PTDSS1: variants seen among roughly 807,000 people sequenced by gnomAD.
The protein encoded by PTDSS1 is PSS-1.
Under a neutral mutation model 70.5 loss-of-function variants are expected in PTDSS1, and 45 were observed. The observed-to-expected ratio is 0.64, with a 90% CI of 0.50 to 0.82. PTDSS1 has a LOEUF of 0.82. Among genes scored for constraint, PTDSS1 ranks in the 40% least tolerant of loss-of-function variants. The pLI is 0.00. For synonymous variants in PTDSS1, 188 were observed against 203.8 expected (o/e 0.92, Z 0.66); for missense variants, 417 against 586.1 (o/e 0.71, Z 2.98).
intron 10 of PTDSS1, among the ~76,000 whole-genome samples, chr8:96,324,216 TAAG>T (rs1811408775): frequency 6.6e-6 from 1 of 152,204 alleles, no homozygotes; most frequent in South Asian, 2.1e-4. Context: ...AAGTAATCTC[TAAG>T]AAGACTGAGG....
intron 6 of PTDSS1, among the ~76,000 whole-genome samples, chr8:96,301,681 T>C (rs1811053007): frequency 6.6e-6 from 1 of 151,666 alleles, no homozygotes; most frequent in Non-Finnish European, 1.5e-5. Context: ...CGGCTAACTT[T>C]TTTTTTTGTA....
At chr8:96,333,416 CAGAGCCCAGGGTGACGGT>C (rs754846680) in intron 12 of PTDSS1, 23 bp from the exon 13 acceptor site, 3 of 1,561,804 alleles carry the variant, frequency 1.9e-6, no homozygotes, top group African/African-American at 1.4e-5. Context: ...CACCAATCTC[CAGAGCCCAGGGTGACGGT>C]GTGCTCTGAT....
intron 9 of PTDSS1, among the ~76,000 whole-genome samples, chr8:96,312,182 G>A (rs1484385608): frequency 6.6e-6 from 1 of 152,220 alleles, no homozygotes; most frequent in Non-Finnish European, 1.5e-5. Flanking sequence ...CCACTATGGC[G>A]GCTCACGCCT....
chr8:96,303,947 TA>T, intron 6 of PTDSS1, 92 bp from the exon 7 acceptor site: 1 of 1,329,796 alleles, frequency 7.5e-7, no homozygotes, highest in Non-Finnish European at 1.0e-6. Context: ...GCATTTATTA[TA>T]AAAATCATCA....
intron 12 of PTDSS1, among the ~76,000 whole-genome samples, chr8:96,332,959 A>T (rs1159345784): frequency 6.6e-6 from 1 of 152,206 alleles, no homozygotes; most frequent in African/African-American, 2.4e-5. Context: ...CCTGAATTGT[A>T]AAGATGTTCT....
At chr8:96,295,281 C>T in intron 5 of PTDSS1, 25 bp downstream of exon 5, 1 of 1,599,304 alleles carries the variant, frequency 6.3e-7, no homozygotes, top group Non-Finnish European at 8.5e-7. Context: ...ATTGGGGGTT[C>T]CCCAGACTGT....
intron 3 of PTDSS1, among the ~76,000 whole-genome samples, chr8:96,285,327 A>G (rs1437273899): frequency 6.6e-6 from 1 of 152,182 alleles, no homozygotes; most frequent in Non-Finnish European, 1.5e-5. Flanking sequence ...GCCCCAGTAT[A>G]GTGCACCCTG....
Position 96,330,288 on chromosome 8 carries a change from A to T in PTDSS1, c.1242+7A>T. Reference sequence around the variant, plus strand: ...CTATGGTCACCGAGAAAAGGTATGGAAGGAGAGGCAGGCATGGCCATTGTT... The same window carrying T: ...CTATGGTCACCGAGAAAAGGTATGGTAGGAGAGGCAGGCATGGCCATTGTT... On this transcript the variant is annotated splice_region_variant and intron_variant, in intron 11 of 12. Coordinates refer to ENST00000517309, the MANE Select transcript of PTDSS1 (RefSeq NM_014754.3). 1 of 1,605,100 alleles carries T rather than the reference A, an allele frequency of 6.2e-7. No homozygotes were observed. Among genetic ancestry groups the T allele is most frequent in the Non-Finnish European group, 8.5e-7 (1 of 1,173,434 alleles).
At position 96,304,023 on chromosome 8, in the gene PTDSS1, C is replaced by T. The variant is rs369350034; in HGVS notation, c.753-17C>T. The T allele has an allele frequency of 6.3e-7, 1 of 1,595,294 alleles. No individual in the cohort carries two copies. Among genetic ancestry groups the T allele is most frequent in the South Asian group, 1.1e-5 (1 of 87,748 alleles). ...CCTTATCTCTGGATTTTCACTGGAGCCATTCTCTTCTTACAGGGACATTCA... is the reference window on the plus strand; with the variant it reads ...CCTTATCTCTGGATTTTCACTGGAGTCATTCTCTTCTTACAGGGACATTCA... On this transcript the variant is annotated splice_polypyrimidine_tract_variant and intron_variant, in intron 6 of 12. Transcript: ENST00000517309.
chr8:96,326,669 A>C (rs1257958858), intron 10 of PTDSS1, among the ~76,000 whole-genome samples: 1 of 152,198 alleles, frequency 6.6e-6, no homozygotes, highest in Non-Finnish European at 1.5e-5. Flanking sequence ...CTGCTTAGGA[A>C]GGGCTTTGTG....
intron 6 of PTDSS1, among the ~76,000 whole-genome samples, chr8:96,303,839 A>G (rs959758615): frequency 1.3e-5 from 2 of 152,314 alleles, no homozygotes; most frequent in Admixed American, 6.5e-5. Context: ...CCTGTCATCA[A>G]TGAGATTCCT....
At chr8:96,288,052 A>G (rs188788370) in intron 4 of PTDSS1, among the ~76,000 whole-genome samples, 139 of 152,328 alleles carry the variant, frequency 9.1e-4, no homozygotes, top group Non-Finnish European at 1.3e-3. Flanking sequence ...GGTTCCCACA[A>G]TATCCTCCTT....
At position 96,304,184 on chromosome 8, in the gene PTDSS1, AT is replaced by A. The variant is rs763491884; in HGVS notation, c.894+9del. The stretch of plus-strand genomic sequence containing the variant: ...ACCTTTTCATGATCATCTGGCAGGT[AT>A]TTTTTCAGATGCCCAGAAGTTGGGA... On this transcript the variant is annotated splice_donor_region_variant and intron_variant, in intron 7 of 12. Transcript: ENST00000517309. The A allele has an allele frequency of 6.3e-7, 1 of 1,593,438 alleles. No individual in the cohort carries two copies. Among genetic ancestry groups the A allele is most frequent in the Non-Finnish European group, 8.5e-7 (1 of 1,174,642 alleles).
chr8:96,295,084 T>C lies in PTDSS1; in HGVS notation c.442-14T>C. On this transcript the variant is annotated splice_polypyrimidine_tract_variant and intron_variant, in intron 4 of 12. Coordinates refer to ENST00000517309, the MANE Select transcript of PTDSS1 (RefSeq NM_014754.3). ...TAGAGTTTCACTAATTATTCTCTTTTTTATTTTAAATAGGAGTATGCTGTG... is the reference window on the plus strand; with the variant it reads ...TAGAGTTTCACTAATTATTCTCTTTCTTATTTTAAATAGGAGTATGCTGTG... The C allele has an allele frequency of 6.3e-7, 1 of 1,589,046 alleles. No individual in the cohort carries two copies. The highest frequency in any genetic ancestry group is 1.2e-5 in the South Asian group (1 of 86,594).
chr8:96,329,488 T>C (rs1373420369), intron 10 of PTDSS1, among the ~76,000 whole-genome samples: 1 of 152,212 alleles, frequency 6.6e-6, no homozygotes, highest in Non-Finnish European at 1.5e-5. Flanking sequence ...GTGCTTTTCT[T>C]TCCTTAAATT....
chr8:96,300,705 C>T (rs1380973745), intron 6 of PTDSS1, among the ~76,000 whole-genome samples: 1 of 152,190 alleles, frequency 6.6e-6, no homozygotes, highest in Non-Finnish European at 1.5e-5. Flanking sequence ...AAATATTCTT[C>T]TAAAACATGA....
At chr8:96,330,739 G>C in intron 11 of PTDSS1, 1 of 436,184 alleles carries the variant, frequency 2.3e-6, no homozygotes, top group Non-Finnish European at 4.1e-6. Flanking sequence ...ATGGCCGTCT[G>C]GTAGACGGTA....
At chr8:96,271,476 T>G (rs979916544) in intron 1 of PTDSS1, among the ~76,000 whole-genome samples, 2 of 152,230 alleles carry the variant, frequency 1.3e-5, no homozygotes, top group Non-Finnish European at 2.9e-5. Context: ...TGCTTCCAAC[T>G]TTTTAAGAAT....
chr8:96,273,307 C>G lies in PTDSS1; in HGVS notation c.188C>G (p.Ser63Cys), dbSNP rs770990297. 22 of 1,604,608 alleles carry G rather than the reference C, an allele frequency of 1.4e-5. No homozygotes were observed. Among genetic ancestry groups the G allele is most frequent in the Non-Finnish European group, 1.9e-5 (22 of 1,176,320 alleles). Residue 63 changes from serine to cysteine, a missense_variant, in exon 2 of 13, where the codon TCT (serine) becomes TGT (cysteine). By Grantham distance (112) the Ser-to-Cys change is moderately radical. Around this residue, in one of 3 missense-constraint regions of PTDSS1, gnomAD observed 272 missense variants for 429.5 expected, o/e 0.63. Coordinates refer to ENST00000517309, the MANE Select transcript of PTDSS1 (RefSeq NM_014754.3). ...TGTTTTTCTATTTTCAGGGATGACT[C>G]TGTTCCAGAAGACAACATCTGGAGA... ...LMYFAFTRDDSVPEDNIWRGI... is the reference protein window; with the variant it reads ...LMYFAFTRDDCVPEDNIWRGI...
Sources: gnomAD v4.1 joint callset for allele counts (sites outside exome capture counted in the v4.1 genomes callset) on GRCh38, gnomAD v4.1.1 for gene constraint, gnomAD v4.1.1 regional missense constraint, MANE v1.5 for transcripts, NCBI Gene and HGNC (gene_info 2026-07-23, HGNC 2026-07-21) for gene names.